Variants in TRERF1 observed in about 807,000 individuals in gnomAD.
The protein encoded by TRERF1 is transcriptional regulating factor 1.
TRERF1 carries 27 observed loss-of-function variants against 122.9 expected under a neutral mutation model. That is an observed-to-expected ratio of 0.22 (90% CI 0.16 to 0.30). TRERF1 has a LOEUF of 0.30. TRERF1 is among the 10% of genes least tolerant of loss of function. TRERF1 has a pLI of 1.00. For synonymous variants in TRERF1, 636 were observed against 641.7 expected (o/e 0.99, Z 0.13); for missense variants, 1,248 against 1,560.3 (o/e 0.80, Z 3.37).
chr6:42,442,897 C>T (rs1324337849), intron 2 of TRERF1, among the ~76,000 whole-genome samples: 1 of 152,170 alleles, frequency 6.6e-6, no homozygotes, highest in Non-Finnish European at 1.5e-5. Flanking sequence ...GAACAGGTGA[C>T]TCTTAGTTGA....
At chr6:42,405,862 C>G (rs1359217766) in intron 2 of TRERF1, among the ~76,000 whole-genome samples, 1 of 149,110 alleles carries the variant, frequency 6.7e-6, no homozygotes. Flanking sequence ...AAGATCAAGA[C>G]AGAGAGAAGC....
intron 2 of TRERF1, among the ~76,000 whole-genome samples, chr6:42,387,025 A>G (rs57537287): frequency 0.091 from 13,920 of 152,194 alleles, 950 homozygotes; most frequent in African/African-American, 0.19. Flanking sequence ...AGACATTGCC[A>G]AATGTCCCCT....
Position 42,262,601 on chromosome 6 carries a change from C to CAGAGAGAG in TRERF1, c.1884+718_1884+719insCTCTCTCT, listed in dbSNP as rs1554134255. On this transcript the variant is annotated intron_variant, in intron 8 of 17. Coordinates refer to ENST00000372922, the Ensembl canonical transcript of TRERF1. ...AGAGAGAGAGAGAGAGAGAGAGAGA[C>CAGAGAGAG]AGACAGACGGAAACCCTTCCCAGAG... Among the ~76,000 whole-genome samples the CAGAGAGAG allele has an allele frequency of 1.8e-3, 106 of 59,094 alleles. 1 individual carries two copies. Among genetic ancestry groups the CAGAGAGAG allele is most frequent in the African/African-American group, 2.4e-3 (30 of 12,260 alleles). The allele number at this position is 59,094 out of a possible 152,430, so 38.8% of individuals were successfully genotyped here.
In TRERF1 at chr6:42,259,717, G is replaced by A. The variant is rs1561846882; in HGVS notation, c.1891C>T (p.Pro631Ser). The change falls in exon 9 of 18, where the codon CCC becomes TCC. Residue 631 changes from proline (P) to serine (S), a missense_variant. Physicochemically the swap from Pro to Ser is moderately conservative, Grantham distance 74. This residue lies in a region of TRERF1 where 946 missense variants were observed against 1,073.0 expected (regional missense o/e 0.88). Coordinates refer to ENST00000372922, the Ensembl canonical transcript of TRERF1. This position sits in a 1 kb window ranked among gnomAD's most constrained non-coding sequence, Gnocchi z 4.9. Reference sequence around the variant, plus strand: ...GGCACACTCGGCTGATGCTTCCTGGGGATTTCCTAAAACCGGAACAACGAT... The same window carrying A: ...GGCACACTCGGCTGATGCTTCCTGGAGATTTCCTAAAACCGGAACAACGAT... 1.2e-6 allele frequency: 2 copies of A among 1,602,058 alleles called. No homozygotes were observed. Among genetic ancestry groups the A allele is most frequent in the East Asian group, 4.5e-5 (2 of 44,850 alleles).
At chr6:42,226,095 A>C (rs1206626609) in exon 18 of TRERF1, 6 of 152,248 alleles carry the variant, frequency 3.9e-5, no homozygotes, top group African/African-American at 1.4e-4. Flanking sequence ...AGAAATACTA[A>C]TTCAGGAATT....
chr6:42,435,985 TAAA>T (rs1785283622), intron 2 of TRERF1, among the ~76,000 whole-genome samples: 1 of 147,568 alleles, frequency 6.8e-6, no homozygotes, highest in Admixed American at 6.8e-5. Flanking sequence ...ATCTCAAAAA[TAAA>T]TAAATAAATA....
intron 8 of TRERF1, among the ~76,000 whole-genome samples, chr6:42,262,601 C>CAGAGAGAGAGAGAGAGACAGAGAGAG (rs1554134255): frequency 1.7e-5 from 1 of 59,132 alleles, no homozygotes; most frequent in African/African-American, 8.2e-5. Context: ...GAGAGAGAGA[C>CAGAGAGAGAGAGAGAGACAGAGAGAG]AGACAGACGG....
At chr6:42,270,455 T>C (rs1475266396) in intron 4 of TRERF1, among the ~76,000 whole-genome samples, 2 of 152,188 alleles carry the variant, frequency 1.3e-5, no homozygotes, top group Non-Finnish European at 2.9e-5. Context: ...GTGGGAAATA[T>C]AAAGAAGTTT....
At chr6:42,377,206 T>C (rs1308970359) in intron 2 of TRERF1, among the ~76,000 whole-genome samples, 1 of 152,238 alleles carries the variant, frequency 6.6e-6, no homozygotes. Flanking sequence ...AACTTCACTC[T>C]TTTTTAAAGT....
Position 42,272,984 on chromosome 6 carries a change from C to T in TRERF1, c.-258-3136G>A, listed in dbSNP as rs139096043. On this transcript the variant is annotated intron_variant, in intron 4 of 17. Coordinates refer to ENST00000372922, the Ensembl canonical transcript of TRERF1. ...GTTTTCAGAGAGCTCTTTCCTTGAA[C>T]CTGCCATGCTCCCTTCCACTGCAGG... Among the ~76,000 whole-genome samples the T allele has an allele frequency of 5.2e-3, 796 of 152,244 alleles. 5 individuals carry two copies. The highest frequency in any genetic ancestry group is 0.019 in the South Asian group (90 of 4,818).
At chr6:42,311,481 G>T (rs1788218827) in intron 3 of TRERF1, among the ~76,000 whole-genome samples, 2 of 152,040 alleles carry the variant, frequency 1.3e-5, no homozygotes, top group Admixed American at 1.3e-4. Context: ...AGATCATGGA[G>T]GGGCCGGGCG....
At chr6:42,249,021 A>G (rs1483499490) in intron 13 of TRERF1, among the ~76,000 whole-genome samples, 1 of 152,222 alleles carries the variant, frequency 6.6e-6, no homozygotes, top group Admixed American at 6.5e-5. Context: ...CCACCAAAAC[A>G]GCAAACGGGT....
rs1783698768 is a variant in TRERF1, at chr6:42,288,583, AAAAAAAAAAAAAAGAG to A, written c.-259+12039_-259+12054del. The stretch of plus-strand genomic sequence containing the variant: ...AACTCCATCTCAAAACCAAAAAAAA[AAAAAAAAAAAAAAGAG>A]AGAGAGACGGGGTTGTGACCTTGGC... On this transcript the variant is annotated intron_variant, in intron 4 of 17. Transcript: ENST00000372922. Among the ~76,000 whole-genome samples the A allele has an allele frequency of 4.2e-5, 6 of 142,640 alleles. No individual in the cohort carries two copies. In the South Asian group the frequency reaches 1.4e-3, roughly 33 times the overall value. The allele number at this position is 142,640 out of a possible 152,430, so 93.6% of individuals were successfully genotyped here.
intron 4 of TRERF1, among the ~76,000 whole-genome samples, chr6:42,290,773 G>A (rs866577199): frequency 2.9e-4 from 25 of 86,684 alleles, no homozygotes; most frequent in African/African-American, 1.2e-3. Context: ...TTGAACAGAA[G>A]AGTAAAAAGC....
intron 3 of TRERF1, among the ~76,000 whole-genome samples, chr6:42,308,178 G>A (rs549769540): frequency 7.2e-5 from 11 of 152,250 alleles, no homozygotes; most frequent in African/African-American, 2.4e-4. Flanking sequence ...AATGTTCCTA[G>A]AAACATTATT....
intron 2 of TRERF1, among the ~76,000 whole-genome samples, chr6:42,445,379 C>CAG (rs2151814089): frequency 6.6e-6 from 1 of 151,880 alleles, no homozygotes; most frequent in Admixed American, 6.6e-5. Context: ...CACACACACA[C>CAG]ACACACACAC....
chr6:42,244,290 T>C (rs1436454511), intron 14 of TRERF1, among the ~76,000 whole-genome samples: 1 of 152,192 alleles, frequency 6.6e-6, no homozygotes, highest in African/African-American at 2.4e-5. Context: ...GTTCAAGCGA[T>C]TCTCCTGCCT....
chr6:42,363,758 T>C (rs1309376829), intron 2 of TRERF1, among the ~76,000 whole-genome samples: 1 of 152,166 alleles, frequency 6.6e-6, no homozygotes, highest in Non-Finnish European at 1.5e-5. Flanking sequence ...TTTGGAAGAT[T>C]GGAGGTTTTC....
At chr6:42,411,544 C>T (rs1781095531) in intron 2 of TRERF1, among the ~76,000 whole-genome samples, 1 of 152,176 alleles carries the variant, frequency 6.6e-6, no homozygotes, top group Non-Finnish European at 1.5e-5. Context: ...AGGCAGGAGG[C>T]CCTGCCATGT....
Sources: allele counts gnomAD v4.1 joint callset (sites outside exome capture counted in the v4.1 genomes callset), GRCh38; gene constraint gnomAD v4.1.1; regional missense constraint gnomAD v4.1.1; non-coding constraint Gnocchi (gnomAD v3.1); transcripts MANE v1.5; gene names NCBI Gene and HGNC (gene_info 2026-07-23, HGNC 2026-07-21).